The following ESRRB variants were observed in gnomAD, a reference collection of about 807,000 sequenced individuals.
The protein encoded by ESRRB is steroid hormone receptor ERR2.
ESRRB carries 16 observed loss-of-function variants against 46.0 expected under a neutral mutation model. That is an observed-to-expected ratio of 0.35 (90% confidence interval 0.24 to 0.53). The LOEUF (loss-of-function observed/expected upper bound fraction) is 0.53, where lower values mean the gene tolerates loss of function less well. Among genes scored for constraint, ESRRB ranks in the 20% least tolerant of loss-of-function variants. ESRRB has a pLI of 0.93. For missense variants in ESRRB, 488 were observed against 607.4 expected (o/e 0.80, Z 2.07); for synonymous variants, 246 against 259.6 (o/e 0.95, Z 0.50).
chr14:76,434,840 G>A (rs915729263), intron 1 of ESRRB, among the ~76,000 whole-genome samples: 1 of 152,178 alleles, frequency 6.6e-6, no homozygotes, highest in Non-Finnish European at 1.5e-5. Flanking sequence ...TGTGAAGCAA[G>A]GAACGTGGAC....
chr14:76,350,730 G>A (rs761917363), intron 1 of ESRRB, among the ~76,000 whole-genome samples: 5 of 152,300 alleles, frequency 3.3e-5, no homozygotes, highest in Middle Eastern at 6.8e-3. Flanking sequence ...GAGAGAGACC[G>A]GGTCAGGCAT....
At chr14:76,487,888 C>T (rs1368869833) in intron 5 of ESRRB, among the ~76,000 whole-genome samples, 1 of 152,214 alleles carries the variant, frequency 6.6e-6, no homozygotes, top group African/African-American at 2.4e-5. Flanking sequence ...CAGGCGTGAG[C>T]CACCGTGCCT....
chr14:76,427,081 A>G (rs911132396), intron 1 of ESRRB, among the ~76,000 whole-genome samples: 6 of 152,244 alleles, frequency 3.9e-5, no homozygotes, highest in Middle Eastern at 6.8e-3. Flanking sequence ...TCTCTGCCTC[A>G]ACCGTTCCTT....
At chr14:76,492,881 C>T (rs930339874) in intron 6 of ESRRB, among the ~76,000 whole-genome samples, 1 of 152,202 alleles carries the variant, frequency 6.6e-6, no homozygotes. Context: ...ACTTAGAGAG[C>T]TTCCACACTA....
At chr14:76,448,743 C>G (rs1304028093) in intron 2 of ESRRB, among the ~76,000 whole-genome samples, 1 of 150,100 alleles carries the variant, frequency 6.7e-6, no homozygotes, top group Admixed American at 6.6e-5. Context: ...AAAGTGATCT[C>G]CCATTTCCCA....
upstream of ESRRB, among the ~76,000 whole-genome samples, chr14:76,372,148 A>G (rs948046975): frequency 6.6e-6 from 1 of 151,618 alleles, no homozygotes; most frequent in African/African-American, 2.4e-5. Flanking sequence ...GCATACCCTG[A>G]GGACTTAGGC....
chr14:76,480,237 C>G (rs916217424), intron 3 of ESRRB, among the ~76,000 whole-genome samples: 11 of 152,176 alleles, frequency 7.2e-5, no homozygotes, highest in African/African-American at 2.7e-4. Context: ...AAACGTTTAG[C>G]ACCAGGTACA....
At position 76,425,177 on chromosome 14, in the gene ESRRB, CT is replaced by C. The variant is rs535739045; in HGVS notation, c.51-14163del. Among the ~76,000 whole-genome samples, 265 of 152,114 alleles carry C rather than the reference CT, an allele frequency of 1.7e-3. 1 individual carries two copies. The highest frequency in any genetic ancestry group is 6.1e-3 in the African/African-American group (254 of 41,492). On this transcript the variant is annotated intron_variant, in intron 1 of 6. Transcript: ENST00000644823. ...GAGCTGCCTTCCGCAGTCTGGAGGG[CT>C]ATCTCATGGAAGGGCTTAGACTTGT...
Position 76,376,270 on chromosome 14 carries a change from T to G in ESRRB, c.-132T>G, listed in dbSNP as rs1046251312. ...CTCCCTCTCCCCCGCCGCGGCCGCCTCCTCCCACTCTGCGTTCTCGCGCTC... is the reference window on the plus strand; with the variant it reads ...CTCCCTCTCCCCCGCCGCGGCCGCCGCCTCCCACTCTGCGTTCTCGCGCTC... On this transcript the variant is annotated 5_prime_UTR_variant, in exon 1 of 7. Transcript: ENST00000644823. The surrounding 1 kb of genome is among the most constrained non-coding windows in gnomAD (Gnocchi z 4.1). The G allele has an allele frequency of 3.8e-5, 23 of 604,828 alleles. No homozygotes were observed. The highest frequency in any genetic ancestry group is 5.1e-5 in the Non-Finnish European group (21 of 415,654). The allele number at this position is 604,828 out of a possible 1,614,324, so 37.5% of individuals were successfully genotyped here.
At chr14:76,394,835 GC>G (rs1885608397) in intron 1 of ESRRB, among the ~76,000 whole-genome samples, 1 of 152,232 alleles carries the variant, frequency 6.6e-6, no homozygotes, top group Admixed American at 6.5e-5. Context: ...GCTGGGCAGG[GC>G]GAGGAGACTG....
At chr14:76,330,333 C>T (rs1883997832) in intron 1 of ESRRB, among the ~76,000 whole-genome samples, 1 of 152,224 alleles carries the variant, frequency 6.6e-6, no homozygotes, top group Non-Finnish European at 1.5e-5. Flanking sequence ...CGTTTTCATC[C>T]CGCCTGACAC....
intron 1 of ESRRB, among the ~76,000 whole-genome samples, chr14:76,322,955 C>T (rs1436506005): frequency 1.3e-5 from 2 of 152,164 alleles, no homozygotes; most frequent in African/African-American, 2.4e-5. Context: ...TCTATCTGCC[C>T]GTGACCTTCC....
At chr14:76,466,844 C>A (rs929191184) in intron 3 of ESRRB, among the ~76,000 whole-genome samples, 1 of 152,040 alleles carries the variant, frequency 6.6e-6, no homozygotes, top group African/African-American at 2.4e-5. Context: ...CTGCTTCAGT[C>A]TCCTGGGTAG....
intron 2 of ESRRB, among the ~76,000 whole-genome samples, chr14:76,452,626 A>AAAAAAAC (rs369877913): frequency 0.073 from 9,041 of 124,140 alleles, 341 homozygotes; most frequent in African/African-American, 0.097. Context: ...TCTCCAAAAA[A>AAAAAAAC]AAAAACAAAA....
upstream of ESRRB, among the ~76,000 whole-genome samples, chr14:76,367,496 G>T (rs1884536553): frequency 6.6e-6 from 1 of 151,438 alleles, no homozygotes; most frequent in Non-Finnish European, 1.5e-5. Flanking sequence ...AGTCAAGGCT[G>T]CAGTGAGCCA....
intron 3 of ESRRB, among the ~76,000 whole-genome samples, chr14:76,469,929 GTTTTTTTTTTTTTTCTTTT>G (rs1309069163): frequency 1.3e-5 from 1 of 78,754 alleles, no homozygotes; most frequent in Non-Finnish European, 2.8e-5. Context: ...GTTTTTTGTT[GTTTTTTTTTTTTTTCTTTT>G]TTTTTTTTTT....
At chr14:76,468,403 C>A (rs1448021981) in intron 3 of ESRRB, among the ~76,000 whole-genome samples, 34 of 97,380 alleles carry the variant, frequency 3.5e-4, no homozygotes, top group African/African-American at 1.4e-3. Context: ...CCCCCCCCAA[C>A]ACCACCACCC....
intron 1 of ESRRB, among the ~76,000 whole-genome samples, chr14:76,417,827 G>A (rs1566887004): frequency 1.3e-5 from 2 of 152,230 alleles, no homozygotes; most frequent in Non-Finnish European, 2.9e-5. Context: ...GGTAGTCCCT[G>A]GCCATAAGGG....
chr14:76,430,244 C>T (rs1214111328), intron 1 of ESRRB, among the ~76,000 whole-genome samples: 1 of 152,146 alleles, frequency 6.6e-6, no homozygotes, highest in Non-Finnish European at 1.5e-5. Context: ...TAAAGCCTTG[C>T]TGGAGGGTCT....
Sources: allele counts gnomAD v4.1 joint callset (sites outside exome capture counted in the v4.1 genomes callset), GRCh38; gene constraint gnomAD v4.1.1; non-coding constraint Gnocchi (gnomAD v3.1); transcripts MANE v1.5; gene names NCBI Gene and HGNC (gene_info 2026-07-23, HGNC 2026-07-21).